The following BCHE variants were observed in gnomAD, a reference collection of about 807,000 sequenced individuals.
BCHE encodes cholinesterase.
BCHE carries 48 observed loss-of-function variants against 51.3 expected under a neutral mutation model. The observed-to-expected ratio is 0.94, with a 90% CI of 0.74 to 1.19. The LOEUF is 1.19. BCHE is among the 50% of genes most tolerant of loss of function. BCHE has a pLI of 0.00. For synonymous variants in BCHE, 251 were observed against 238.0 expected (o/e 1.05, Z -0.50); for missense variants, 847 against 708.2 (o/e 1.20, Z -2.23).
At position 165,830,055 on chromosome 3, in the gene BCHE, G is replaced by A; in HGVS notation, c.979C>T (p.Leu327Phe). Residue 327 changes from leucine to phenylalanine, a missense_variant, in exon 2 of 4, where the codon CTC (leucine) becomes TTC (phenylalanine). Transcript: ENST00000264381. The part of the protein sequence containing the change: ...NFGPTVDGDF[L>F]TDMPDILLEL... ...AGTAATATGTCTGGCATGTCAGTGA[G>A]AAAATCACCATCCACGGTCGGACCA... 1 of 1,613,726 alleles carries A rather than the reference G, an allele frequency of 6.2e-7. No homozygotes were observed. The highest frequency in any genetic ancestry group is 8.5e-7 in the Non-Finnish European group (1 of 1,179,882).
chr3:165,805,080 G>C (rs1213113515), intron 2 of BCHE, among the ~76,000 whole-genome samples: 2 of 152,104 alleles, frequency 1.3e-5, no homozygotes, highest in Non-Finnish European at 2.9e-5. Flanking sequence ...GCAGTTGAAT[G>C]CAGCAAGAAT....
chr3:165,817,468 T>C (rs551427664), intron 2 of BCHE, among the ~76,000 whole-genome samples: 2 of 152,158 alleles, frequency 1.3e-5, no homozygotes, highest in Admixed American at 1.3e-4. Context: ...ATATCTTGGC[T>C]CTTTGTACTT....
chr3:165,830,281 T>C lies in BCHE; in HGVS notation c.753A>G (p.Gln251=). 1 of 1,614,020 alleles carries C rather than the reference T, an allele frequency of 6.2e-7. No individual in the cohort carries two copies. Among genetic ancestry groups the C allele is most frequent in the Non-Finnish European group, 8.5e-7 (1 of 1,179,944 alleles). The change falls in exon 2 of 4, where the codon CAA becomes CAG. Residue 251 remains glutamine (Q), a synonymous_variant. Coordinates refer to ENST00000264381, the MANE Select transcript of BCHE (RefSeq NM_000055.4). ...SHSLFTRAIL[Q]SGSFNAPWAV... ...CCCAAGGAGCATTAAAGGATCCACT[T>C]TGCAGAATGGCTCTGGTGAACAATG...
At chr3:165,836,368 A>C (rs1202559972) in intron 1 of BCHE, among the ~76,000 whole-genome samples, 1 of 151,998 alleles carries the variant, frequency 6.6e-6, no homozygotes, top group Non-Finnish European at 1.5e-5. Flanking sequence ...GTTTATATTA[A>C]GGAAGGCATT....
chr3:165,777,570 G>A (rs544084536), intron 3 of BCHE: 2 of 249,574 alleles, frequency 8.0e-6, no homozygotes, highest in Admixed American at 4.7e-5. Flanking sequence ...TATGTATAGA[G>A]ATATTAAAAA....
At chr3:165,836,428 T>C (rs1328359050) in intron 1 of BCHE, among the ~76,000 whole-genome samples, 4 of 152,040 alleles carry the variant, frequency 2.6e-5, no homozygotes, top group Non-Finnish European at 1.5e-5. Context: ...TCATGAAATA[T>C]ATTCATAAAA....
At chr3:165,836,846 T>A in intron 1 of BCHE, among the ~76,000 whole-genome samples, 1 of 152,126 alleles carries the variant, frequency 6.6e-6, no homozygotes, top group East Asian at 1.9e-4. Flanking sequence ...GACAAAATGT[T>A]GATTGAGAAA....
At chr3:165,786,523 T>A (rs941799940) in intron 2 of BCHE, among the ~76,000 whole-genome samples, 1 of 151,820 alleles carries the variant, frequency 6.6e-6, no homozygotes, top group Non-Finnish European at 1.5e-5. Flanking sequence ...GAATTGAAAT[T>A]TAAAGTTGAA....
intron 2 of BCHE, among the ~76,000 whole-genome samples, chr3:165,818,694 G>A (rs1714396692): frequency 6.6e-6 from 1 of 152,164 alleles, no homozygotes; most frequent in East Asian, 1.9e-4. Flanking sequence ...TGAAGCAGAG[G>A]AAGAGACGTT....
At chr3:165,802,116 G>T (rs1281276150) in intron 2 of BCHE, among the ~76,000 whole-genome samples, 1 of 152,146 alleles carries the variant, frequency 6.6e-6, no homozygotes, top group African/African-American at 2.4e-5. Flanking sequence ...GCATGGTTTG[G>T]AATCACCAGC....
intron 1 of BCHE, 33 bp downstream of exon 1, chr3:165,837,281 T>G (rs1034355056): frequency 8.1e-7 from 1 of 1,233,562 alleles, no homozygotes; most frequent in African/African-American, 1.5e-5. Context: ...AACTTGGATC[T>G]CTACACGAAG....
intron 1 of BCHE, among the ~76,000 whole-genome samples, chr3:165,836,629 T>C (rs1438518272): frequency 6.6e-6 from 1 of 152,048 alleles, no homozygotes; most frequent in Non-Finnish European, 1.5e-5. Flanking sequence ...GAAAGTACAT[T>C]TGCTTACTAT....
intron 2 of BCHE, among the ~76,000 whole-genome samples, chr3:165,795,586 A>G (rs933300785): frequency 2.6e-5 from 4 of 152,166 alleles, no homozygotes; most frequent in Non-Finnish European, 4.4e-5. Context: ...AGACATTTCT[A>G]TTGCTAACGG....
chr3:165,778,743 A>T (rs1480534499), intron 3 of BCHE: 1 of 435,024 alleles, frequency 2.3e-6, no homozygotes, highest in South Asian at 1.6e-5. Flanking sequence ...TAGGCTCTGT[A>T]AATGTTATCA....
At chr3:165,822,037 C>T (rs1375796116) in intron 2 of BCHE, among the ~76,000 whole-genome samples, 2 of 151,904 alleles carry the variant, frequency 1.3e-5, no homozygotes, top group African/African-American at 2.4e-5. Context: ...AGAATAGCAG[C>T]ATGTGTGCTG....
chr3:165,812,355 G>C (rs1159063223), intron 2 of BCHE, among the ~76,000 whole-genome samples: 3 of 150,438 alleles, frequency 2.0e-5, no homozygotes, highest in African/African-American at 7.3e-5. Flanking sequence ...AGTTTATCAA[G>C]TATTTATCAA....
chr3:165,790,232 C>T (rs772836544), intron 2 of BCHE, among the ~76,000 whole-genome samples: 15 of 152,110 alleles, frequency 9.9e-5, no homozygotes, highest in Non-Finnish European at 1.3e-4. Flanking sequence ...TTTAACCATG[C>T]GAACAATGAT....
chr3:165,777,229 G>C (rs911988773), intron 3 of BCHE, among the ~76,000 whole-genome samples: 2 of 151,816 alleles, frequency 1.3e-5, no homozygotes, highest in Non-Finnish European at 2.9e-5. Context: ...AAATAGAGCA[G>C]AAATAAATAA....
chr3:165,791,948 A>AAAAAT (rs59363319), intron 2 of BCHE, among the ~76,000 whole-genome samples: 21,811 of 135,482 alleles, frequency 0.16, 1,869 homozygotes, highest in Non-Finnish European at 0.18. Flanking sequence ...CTCCATCTCA[A>AAAAAT]AAAATAAAAT....
Sources: allele counts gnomAD v4.1 joint callset (sites outside exome capture counted in the v4.1 genomes callset), GRCh38; gene constraint gnomAD v4.1.1; transcripts MANE v1.5; gene names NCBI Gene and HGNC (gene_info 2026-07-23, HGNC 2026-07-21).